Variants in TMPRSS11F observed in about 807,000 individuals in gnomAD.
TMPRSS11F encodes transmembrane protease serine 11F.
Under a neutral mutation model 60.2 loss-of-function variants are expected in TMPRSS11F, and 47 were observed. That is an observed-to-expected ratio of 0.78 (90% CI 0.62 to 1.00). The LOEUF (loss-of-function observed/expected upper bound fraction) is 1.00, where lower values mean the gene tolerates loss of function less well. TMPRSS11F is among the 50% of genes least tolerant of loss of function. The pLI is 0.00. For missense variants in TMPRSS11F, 519 were observed against 522.9 expected, an observed-to-expected ratio of 0.99 and a Z score of 0.07; for synonymous variants, 166 against 167.3, an observed-to-expected ratio of 0.99 and a Z score of 0.06.
At chr4:68,062,586 CT>C in intron 8 of TMPRSS11F, 3 of 858,994 alleles carry the variant, frequency 3.5e-6, no homozygotes, top group Non-Finnish European at 6.0e-6. Flanking sequence ...ACTTGCCGTC[CT>C]TTTGACTCTT....
intron 1 of TMPRSS11F, among the ~76,000 whole-genome samples, chr4:68,110,089 T>G (rs924374979): frequency 6.6e-6 from 1 of 152,166 alleles, no homozygotes; most frequent in Non-Finnish European, 1.5e-5. Flanking sequence ...TAGATACACA[T>G]TAGATATTCC....
At chr4:68,065,045 A>G (rs1236045540) in intron 7 of TMPRSS11F, 101 bp from the exon 8 acceptor site, 1 of 1,229,348 alleles carries the variant, frequency 8.1e-7, no homozygotes, top group African/African-American at 1.5e-5. Flanking sequence ...TGCTCCTGAA[A>G]CATTCTTTTG....
At chr4:68,127,425 GT>G (rs1358711418) in intron 1 of TMPRSS11F, among the ~76,000 whole-genome samples, 16 of 151,996 alleles carry the variant, frequency 1.1e-4, no homozygotes, top group Non-Finnish European at 2.9e-5. Flanking sequence ...GTCTCAACTT[GT>G]TGATAACTAT....
In TMPRSS11F at chr4:68,085,497, C is replaced by A. The variant is rs545605223; in HGVS notation, c.282+5026G>T. Among the ~76,000 whole-genome samples the A allele has an allele frequency of 7.2e-5, 11 of 152,312 alleles. No homozygotes were observed. In the South Asian group the frequency reaches 1.0e-3, roughly 14 times the overall value. ...TAAACACATTTAAGTACGTAGCCCA[C>A]AGACATCATAAAGCCACTATACAAT... is the stretch of plus-strand genomic sequence containing the variant. On this transcript the variant is annotated intron_variant, in intron 3 of 9. Coordinates refer to ENST00000356291, the MANE Select transcript of TMPRSS11F (RefSeq NM_207407.2).
At chr4:68,116,582 G>A (rs1724524246) in intron 1 of TMPRSS11F, among the ~76,000 whole-genome samples, 1 of 152,108 alleles carries the variant, frequency 6.6e-6, no homozygotes, top group South Asian at 2.1e-4. Context: ...CACACTCCCT[G>A]ATTTCATAGT....
intron 1 of TMPRSS11F, among the ~76,000 whole-genome samples, chr4:68,105,541 A>C (rs76139528): frequency 0.036 from 5,427 of 152,208 alleles, 268 homozygotes; most frequent in African/African-American, 0.11. Context: ...GCTTTGTCAG[A>C]CCCAAAATAA....
intron 1 of TMPRSS11F, among the ~76,000 whole-genome samples, chr4:68,102,838 T>G (rs1560407528): frequency 1.3e-5 from 2 of 152,144 alleles, no homozygotes; most frequent in African/African-American, 2.4e-5. Context: ...TGCTTATTTA[T>G]TTTTGCTTTT....
intron 1 of TMPRSS11F, among the ~76,000 whole-genome samples, chr4:68,112,252 A>T (rs1229228967): frequency 6.6e-6 from 1 of 151,856 alleles, no homozygotes; most frequent in Non-Finnish European, 1.5e-5. Flanking sequence ...ATGCCCCCAC[A>T]CTTAACTGAT....
At chr4:68,066,208 C>T (rs551117333) in intron 7 of TMPRSS11F, among the ~76,000 whole-genome samples, 9 of 151,284 alleles carry the variant, frequency 5.9e-5, no homozygotes, top group African/African-American at 2.2e-4. Flanking sequence ...TTTATTCAAA[C>T]CTGAAATCTT....
chr4:68,113,414 T>TAAAAAAAAAAAAAAA (rs35420726), intron 1 of TMPRSS11F, among the ~76,000 whole-genome samples: 1 of 146,340 alleles, frequency 6.8e-6, no homozygotes, highest in Non-Finnish European at 1.5e-5. Context: ...ATGAAAAATG[T>TAAAAAAAAAAAAAAA]AAAAAAAAAA....
intron 5 of TMPRSS11F, among the ~76,000 whole-genome samples, chr4:68,070,683 T>C (rs1428406864): frequency 6.6e-6 from 1 of 152,220 alleles, no homozygotes; most frequent in East Asian, 1.9e-4. Flanking sequence ...GTGACATCTT[T>C]TTTCCCTTCA....
intron 1 of TMPRSS11F, among the ~76,000 whole-genome samples, chr4:68,101,821 AT>A: frequency 6.6e-6 from 1 of 152,208 alleles, no homozygotes; most frequent in Non-Finnish European, 1.5e-5. Flanking sequence ...CCTAGTAACC[AT>A]TTTTTGTTTG....
rs184207839 is a variant in TMPRSS11F at position 68,113,105 on chromosome 4, T to A, written c.12-14067A>T. ...AAGAGCACAATCTGTTTCATAAACA[T>A]GACTCAACAAATTAAAACAAATTAA... On this transcript the variant is annotated intron_variant, in intron 1 of 9. Transcript: ENST00000356291. Among the ~76,000 whole-genome samples, 461 of 152,322 alleles carry A rather than the reference T, an allele frequency of 3.0e-3. 2 individuals are homozygous for A. The highest frequency in any genetic ancestry group is 6.8e-3 in the Middle Eastern group (2 of 294).
intron 7 of TMPRSS11F, 125 bp downstream of exon 7, chr4:68,068,493 G>A: frequency 1.4e-6 from 1 of 714,038 alleles, no homozygotes; most frequent in Non-Finnish European, 2.4e-6. Flanking sequence ...CCATTTAGGG[G>A]ACAGCTAGGT....
At chr4:68,121,820 AT>A (rs999329277) in intron 1 of TMPRSS11F, among the ~76,000 whole-genome samples, 1 of 152,206 alleles carries the variant, frequency 6.6e-6, no homozygotes, top group African/African-American at 2.4e-5. Flanking sequence ...CAAAATTAAC[AT>A]GTCCCAGAAT....
chr4:68,117,249 CG>C (rs1302001701), intron 1 of TMPRSS11F, among the ~76,000 whole-genome samples: 1 of 151,852 alleles, frequency 6.6e-6, no homozygotes, highest in Admixed American at 6.6e-5. Flanking sequence ...GGGCGGATCA[CG>C]AGGTCAGGAG....
chr4:68,115,274 G>A (rs1178726345), intron 1 of TMPRSS11F, among the ~76,000 whole-genome samples: 1 of 147,914 alleles, frequency 6.8e-6, no homozygotes, highest in African/African-American at 2.5e-5. Context: ...GGAGAATGGT[G>A]TGAACCCAGG....
intron 3 of TMPRSS11F, among the ~76,000 whole-genome samples, chr4:68,083,704 A>T (rs1177306314): frequency 1.3e-5 from 2 of 152,228 alleles, no homozygotes; most frequent in African/African-American, 2.4e-5. Flanking sequence ...AAATTCAAAA[A>T]GATAAAGGAA....
chr4:68,067,652 G>A (rs866562955), intron 7 of TMPRSS11F, among the ~76,000 whole-genome samples: 18 of 152,118 alleles, frequency 1.2e-4, no homozygotes, highest in Admixed American at 5.2e-4. Context: ...CAGTTATTTC[G>A]GTAGTTGTAA....
Sources: gnomAD v4.1 joint callset for allele counts (sites outside exome capture counted in the v4.1 genomes callset) on GRCh38, gnomAD v4.1.1 for gene constraint, MANE v1.5 for transcripts, NCBI Gene and HGNC (gene_info 2026-07-23, HGNC 2026-07-21) for gene names.